The following CDKAL1 variants were observed in gnomAD, a reference collection of about 807,000 sequenced individuals.
CDKAL1 encodes threonylcarbamoyladenosine tRNA methylthiotransferase.
In CDKAL1, 32 loss-of-function variants were observed where a neutral mutation model predicts 68.2. The observed-to-expected ratio is 0.47, with a 90% CI of 0.35 to 0.63. The LOEUF (loss-of-function observed/expected upper bound fraction) is 0.63, where lower values mean the gene tolerates loss of function less well. Ranked by LOEUF, CDKAL1 falls within the 30% of genes least tolerant of loss-of-function variation. The pLI, the probability that CDKAL1 is intolerant of heterozygous loss-of-function variation, is 0.00. For missense variants in CDKAL1, 606 were observed against 696.7 expected (o/e 0.87, Z 1.47); for synonymous variants, 234 against 244.3 (o/e 0.96, Z 0.39).
chr6:20,725,593 T>C (rs1772606648), intron 5 of CDKAL1, among the ~76,000 whole-genome samples: 2 of 152,128 alleles, frequency 1.3e-5, no homozygotes, highest in South Asian at 4.1e-4. Flanking sequence ...AAGACCAGCC[T>C]GACCAACATG....
intron 8 of CDKAL1, among the ~76,000 whole-genome samples, chr6:20,810,445 CGT>C (rs1776759223): frequency 7.9e-6 from 1 of 126,854 alleles, no homozygotes; most frequent in Non-Finnish European, 1.6e-5. Flanking sequence ...CACACACACA[CGT>C]GGTGTCATGT....
intron 4 of CDKAL1, among the ~76,000 whole-genome samples, chr6:20,611,358 C>G (rs1766609105): frequency 6.6e-6 from 1 of 152,022 alleles, no homozygotes; most frequent in Non-Finnish European, 1.5e-5. Context: ...TGGACTGGTC[C>G]TTTGTGCAGT....
At chr6:21,138,705 A>C (rs9689353) in intron 13 of CDKAL1, among the ~76,000 whole-genome samples, 2 of 152,234 alleles carry the variant, frequency 1.3e-5, no homozygotes, top group Admixed American at 1.3e-4. Context: ...TGAATTATTA[A>C]ATATTTTCAT....
At chr6:20,786,082 G>T (rs1198617538) in intron 8 of CDKAL1, among the ~76,000 whole-genome samples, 3 of 152,066 alleles carry the variant, frequency 2.0e-5, no homozygotes. Flanking sequence ...TTAGCTGGAT[G>T]TGGTGGTTGG....
chr6:20,917,827 A>G (rs1206997243), intron 9 of CDKAL1, among the ~76,000 whole-genome samples: 2 of 152,218 alleles, frequency 1.3e-5, no homozygotes, highest in Non-Finnish European at 2.9e-5. Context: ...CATACATTGA[A>G]ACCTAATGAC....
chr6:21,035,105 G>A (rs1260821425), intron 11 of CDKAL1, among the ~76,000 whole-genome samples: 1 of 152,064 alleles, frequency 6.6e-6, no homozygotes, highest in Non-Finnish European at 1.5e-5. Context: ...TAATTTTTGT[G>A]CATGTTGATA....
intron 13 of CDKAL1, among the ~76,000 whole-genome samples, chr6:21,156,445 A>G: frequency 6.6e-6 from 1 of 150,862 alleles, no homozygotes; most frequent in Middle Eastern, 3.5e-3. Flanking sequence ...AAAAAAAAGG[A>G]AAAATAAGAC....
At position 21,058,910 on chromosome 6, in the gene CDKAL1, T is replaced by C. The variant is rs562018820; in HGVS notation, c.1056-6138T>C. Among the ~76,000 whole-genome samples, 31 of 152,330 alleles carry C rather than the reference T, an allele frequency of 2.0e-4. No individual in the cohort carries two copies. In the South Asian group the frequency reaches 6.4e-3, roughly 32 times the overall value. ...GGAAGCACAGGATCGGAGACCTGCT[T>C]AATGAAGCACTCTGGCTGCCCCTTG... On this transcript the variant is annotated intron_variant, in intron 11 of 15. Coordinates refer to ENST00000274695, the MANE Select transcript of CDKAL1 (RefSeq NM_017774.3).
chr6:21,040,591 GTATTT>G (rs1380959333), intron 11 of CDKAL1, among the ~76,000 whole-genome samples: 1 of 151,992 alleles, frequency 6.6e-6, no homozygotes, highest in Non-Finnish European at 1.5e-5. Flanking sequence ...CTAAAAATTC[GTATTT>G]AATTTAGGCA....
At chr6:20,641,283 T>C (rs927950836) in intron 4 of CDKAL1, among the ~76,000 whole-genome samples, 2 of 152,162 alleles carry the variant, frequency 1.3e-5, no homozygotes, top group African/African-American at 4.8e-5. Flanking sequence ...TTAAAAAGCG[T>C]TGATAAGTTT....
intron 4 of CDKAL1, among the ~76,000 whole-genome samples, chr6:20,609,298 C>CT (rs1766489441): frequency 7.2e-6 from 1 of 139,532 alleles, no homozygotes; most frequent in African/African-American, 3.1e-5. Context: ...TCTTCTCCTT[C>CT]TCCTCCTCCT....
chr6:20,687,038 A>G (rs1414958875), intron 5 of CDKAL1, among the ~76,000 whole-genome samples: 1 of 152,238 alleles, frequency 6.6e-6, no homozygotes, highest in Non-Finnish European at 1.5e-5. Context: ...AATCAGAGGT[A>G]AATCCCAGTT....
intron 4 of CDKAL1, among the ~76,000 whole-genome samples, chr6:20,575,251 A>T (rs1405584267): frequency 1.3e-5 from 2 of 152,086 alleles, no homozygotes; most frequent in Non-Finnish European, 2.9e-5. Flanking sequence ...TAAACAGTTC[A>T]AACAGTAAGA....
chr6:20,718,025 C>G (rs994144090), intron 5 of CDKAL1, among the ~76,000 whole-genome samples: 1 of 152,202 alleles, frequency 6.6e-6, no homozygotes, highest in African/African-American at 2.4e-5. Flanking sequence ...AGTGGCCACT[C>G]TAACACAGAT....
intron 9 of CDKAL1, among the ~76,000 whole-genome samples, chr6:20,930,628 A>G (rs1763398159): frequency 6.6e-6 from 1 of 152,168 alleles, no homozygotes; most frequent in Non-Finnish European, 1.5e-5. Flanking sequence ...TATCTTTCAT[A>G]ATAATGACAG....
chr6:20,654,641 G>T (rs1257185952), intron 5 of CDKAL1, among the ~76,000 whole-genome samples: 3 of 152,104 alleles, frequency 2.0e-5, no homozygotes, highest in Non-Finnish European at 2.9e-5. Flanking sequence ...TATGGTATCA[G>T]AAGGGGTCCA....
chr6:20,857,241 C>T (rs1231861074), intron 9 of CDKAL1, among the ~76,000 whole-genome samples: 2 of 152,112 alleles, frequency 1.3e-5, no homozygotes, highest in Non-Finnish European at 2.9e-5. Flanking sequence ...AAAATACGTC[C>T]TCTTAGTTAA....
chr6:21,207,265 C>T (rs1222127778), intron 15 of CDKAL1, among the ~76,000 whole-genome samples: 2 of 151,808 alleles, frequency 1.3e-5, no homozygotes, highest in East Asian at 1.9e-4. Context: ...CAGTGGTTCA[C>T]GCCTGTAATC....
intron 5 of CDKAL1, among the ~76,000 whole-genome samples, chr6:20,686,085 T>G (rs1166616513): frequency 1.4e-4 from 2 of 14,776 alleles, no homozygotes; most frequent in Non-Finnish European, 2.4e-4. Context: ...TGTTTTAAGG[T>G]TTTTTTTTTT....
Sources: gnomAD v4.1 joint callset for allele counts (sites outside exome capture counted in the v4.1 genomes callset) on GRCh38, gnomAD v4.1.1 for gene constraint, MANE v1.5 for transcripts, NCBI Gene and HGNC (gene_info 2026-07-23, HGNC 2026-07-21) for gene names.